Variants in SMARCD3 observed in about 807,000 individuals in gnomAD.
SMARCD3 encodes SWI/SNF related BAF chromatin remodeling complex subunit D3.
SMARCD3 carries 14 observed loss-of-function variants against 58.0 expected under a neutral mutation model. That is an observed-to-expected ratio of 0.24 (90% CI 0.16 to 0.38). SMARCD3 has a LOEUF of 0.38. Among genes scored for constraint, SMARCD3 ranks in the 10% least tolerant of loss-of-function variants. The pLI is 1.00. For missense variants in SMARCD3, 408 were observed against 636.9 expected (o/e 0.64, Z 3.87); for synonymous variants, 253 against 253.8 (o/e 1.00, Z 0.03).
Position 151,242,219 on chromosome 7 carries a change from T to C in SMARCD3, c.593A>G (p.Lys198Arg), listed in dbSNP as rs1803029970. 1 of 1,613,788 alleles carries C rather than the reference T, an allele frequency of 6.2e-7. No homozygotes were observed. Among genetic ancestry groups the C allele is most frequent in the Admixed American group, 1.7e-5 (1 of 59,994 alleles). The part of the protein sequence containing the change: ...GKLLDDPSKQ[K>R]RKFSSFFKSL... ...CTTGAAGAAAGAAGAGAACTTCCGC[T>C]TCTGTTTGCTGGGCTGTGGGAGAGC... The change falls in exon 6 of 13, where the codon AAG becomes AGG. Residue 198 changes from lysine to arginine, a missense_variant. Physicochemically the swap from Lys to Arg is conservative, Grantham distance 26. Around this residue, in one of 4 missense-constraint regions of SMARCD3, gnomAD observed 128 missense variants for 188.8 expected, o/e 0.68. Coordinates refer to ENST00000262188, the MANE Select transcript of SMARCD3 (RefSeq NM_001003801.2). The surrounding 1 kb of genome is among the most constrained non-coding windows in gnomAD (Gnocchi z 4.7).
chr7:151,239,672 G>A lies in SMARCD3; in HGVS notation c.1248C>T (p.Pro416=). ...RDFMLSFSRD[P]KGYVQDLLRS... is the part of the protein sequence containing the mutation. ...GGAGCAGGTCTTGGACATAGCCTTTGGGGTCTCTGGAGAAGCTTAGCATGA... is the reference window on the plus strand; with the variant it reads ...GGAGCAGGTCTTGGACATAGCCTTTAGGGTCTCTGGAGAAGCTTAGCATGA... The change falls in exon 11 of 13, where the codon CCC becomes CCT. Residue 416 remains proline (P), a synonymous_variant. Coordinates refer to ENST00000262188, the MANE Select transcript of SMARCD3 (RefSeq NM_001003801.2). The surrounding 1 kb of genome is among the most constrained non-coding windows in gnomAD (Gnocchi z 7.0). 1.2e-6 allele frequency: 2 copies of A among 1,614,072 alleles called. No homozygotes were observed. The highest frequency in any genetic ancestry group is 2.2e-5 in the East Asian group (1 of 44,870).
intron 2 of SMARCD3, chr7:151,275,042 C>G (rs912567277): frequency 2.9e-5 from 37 of 1,274,290 alleles, no homozygotes; most frequent in African/African-American, 4.3e-5. Flanking sequence ...GGAGCAGGAG[C>G]CGAGGGCTGG....
Position 151,248,148 on chromosome 7 carries a change from C to A in SMARCD3, c.78+337G>T, listed in dbSNP as rs1209116721. On this transcript the variant is annotated intron_variant, in intron 1 of 12. Coordinates refer to ENST00000262188, the MANE Select transcript of SMARCD3 (RefSeq NM_001003801.2). The surrounding 1 kb of genome is among the most constrained non-coding windows in gnomAD (Gnocchi z 6.1). ...CCCACCCCCACCCCCAGGGCAGGGG[C>A]AACACCTGGGCCCACAAGGAAAAGA... Among the ~76,000 whole-genome samples the A allele has an allele frequency of 2.0e-5, 3 of 151,194 alleles. No homozygotes were observed. Among genetic ancestry groups the A allele is most frequent in the African/African-American group, 7.3e-5 (3 of 41,120 alleles).
intron 2 of SMARCD3, among the ~76,000 whole-genome samples, chr7:151,257,114 C>T (rs1164913166): frequency 6.6e-6 from 1 of 152,220 alleles, no homozygotes; most frequent in Admixed American, 6.5e-5. Context: ...TGGTCTCAAA[C>T]TCCCGGGCTC....
At chr7:151,249,531 G>C (rs1362067350), upstream of SMARCD3, 4 of 152,194 alleles carry the variant, frequency 2.6e-5, no homozygotes, top group Admixed American at 2.6e-4. This position sits in a 1 kb window ranked among gnomAD's most constrained non-coding sequence, Gnocchi z 4.8. Context: ...CAGAAAGAGG[G>C]ACAGGGATTG....
At chr7:151,259,914 CTTG>C (rs1563683038) in intron 2 of SMARCD3, among the ~76,000 whole-genome samples, 1 of 152,102 alleles carries the variant, frequency 6.6e-6, no homozygotes, top group Non-Finnish European at 1.5e-5. Flanking sequence ...CTGGCCAAGA[CTTG>C]TTATCATAGG....
intron 2 of SMARCD3, among the ~76,000 whole-genome samples, chr7:151,265,431 G>A (rs1340813135): frequency 1.3e-5 from 2 of 152,190 alleles, no homozygotes; most frequent in East Asian, 1.9e-4. Flanking sequence ...TCCAGCCTCC[G>A]ACACTGGGAC....
chr7:151,273,743 G>T (rs533679816), intron 2 of SMARCD3, among the ~76,000 whole-genome samples: 7 of 152,336 alleles, frequency 4.6e-5, no homozygotes, highest in Admixed American at 1.3e-4. Flanking sequence ...CACCAGGTGT[G>T]TTTCCTTGGT....
upstream of SMARCD3, among the ~76,000 whole-genome samples, chr7:151,250,928 C>T (rs373697532): frequency 9.2e-5 from 14 of 152,362 alleles, no homozygotes; most frequent in East Asian, 2.5e-3. Flanking sequence ...CACCCCCACC[C>T]ACCATGGGTG....
chr7:151,255,504 C>T (rs1268479717), intron 2 of SMARCD3, among the ~76,000 whole-genome samples: 2 of 152,180 alleles, frequency 1.3e-5, no homozygotes, highest in African/African-American at 2.4e-5. Context: ...CGGAGCACCA[C>T]TCCTGTCCAG....
upstream of SMARCD3, among the ~76,000 whole-genome samples, chr7:151,249,748 G>C (rs1342952998): frequency 6.6e-6 from 1 of 151,580 alleles, no homozygotes; most frequent in Non-Finnish European, 1.5e-5. This position sits in a 1 kb window ranked among gnomAD's most constrained non-coding sequence, Gnocchi z 4.8. Flanking sequence ...CAAAGAGAGG[G>C]GTCTTGAGGC....
At chr7:151,259,407 GTGTA>G (rs1455275293) in intron 2 of SMARCD3, among the ~76,000 whole-genome samples, 3,967 of 145,110 alleles carry the variant, frequency 0.027, 204 homozygotes, top group African/African-American at 0.1. Context: ...GTGTGTGTGT[GTGTA>G]TGTGTGTGTG....
At position 151,241,342 on chromosome 7, in the gene SMARCD3, C is replaced by T. The variant is rs1044952735; in HGVS notation, c.939+150G>A. The T allele has an allele frequency of 1.2e-5, 9 of 735,722 alleles. No individual in the cohort carries two copies. The highest frequency in any genetic ancestry group is 1.9e-5 in the Non-Finnish European group (8 of 416,210). The allele number at this position is 735,722 out of a possible 1,614,324, so 45.6% of individuals were successfully genotyped here. A position where few individuals can be genotyped will look rare whatever the true frequency, so the allele number is the denominator to read the frequency against. Reference sequence around the variant, plus strand: ...GTAGGGCCTGAACTAGAATCCTGGTCGGTCTCTTGGCTCCAAGACCATGAC... The same window carrying T: ...GTAGGGCCTGAACTAGAATCCTGGTTGGTCTCTTGGCTCCAAGACCATGAC... On this transcript the variant is annotated intron_variant, in intron 8 of 12. Transcript: ENST00000262188. This position sits in a 1 kb window ranked among gnomAD's most constrained non-coding sequence, Gnocchi z 5.3.
chr7:151,257,023 C>A (rs922758549), intron 2 of SMARCD3, among the ~76,000 whole-genome samples: 8 of 152,178 alleles, frequency 5.3e-5, no homozygotes, highest in Non-Finnish European at 8.8e-5. Context: ...ACTGTTACAT[C>A]CCCATTGGAA....
At chr7:151,250,635 A>G (rs1200866338), upstream of SMARCD3, among the ~76,000 whole-genome samples, 1 of 151,806 alleles carries the variant, frequency 6.6e-6, no homozygotes, top group Non-Finnish European at 1.5e-5. Flanking sequence ...CTTGTATGCA[A>G]AGATTTTTCT....
At chr7:151,256,363 G>T (rs956573909) in intron 2 of SMARCD3, among the ~76,000 whole-genome samples, 5 of 151,186 alleles carry the variant, frequency 3.3e-5, no homozygotes, top group African/African-American at 4.9e-5. Flanking sequence ...TAGAGACAGG[G>T]TTTCACCATG....
chr7:151,241,999 G>A lies in SMARCD3; in HGVS notation c.676-21C>T, dbSNP rs1274506115. On this transcript the variant is annotated intron_variant, in intron 6 of 12. Transcript: ENST00000262188. The surrounding 1 kb of genome is among the most constrained non-coding windows in gnomAD (Gnocchi z 5.3). ...TGCCACTGTCCAGGAGAGAAGAGCT[G>A]TGTCTCCCAAAGGCCCATCTGGAGT... 1 of 1,599,526 alleles carries A rather than the reference G, an allele frequency of 6.3e-7. No individual in the cohort carries two copies. Among genetic ancestry groups the A allele is most frequent in the Non-Finnish European group, 8.6e-7 (1 of 1,168,918 alleles).
chr7:151,240,354 G>C, intron 9 of SMARCD3, 71 bp downstream of exon 9: 1 of 1,591,796 alleles, frequency 6.3e-7, no homozygotes, highest in Middle Eastern at 1.7e-4. Flanking sequence ...GGAGTGGGAG[G>C]AGAGGGAGGG....
At chr7:151,274,927 T>A (rs983761480) in intron 2 of SMARCD3, among the ~76,000 whole-genome samples, 1 of 152,002 alleles carries the variant, frequency 6.6e-6, no homozygotes, top group Non-Finnish European at 1.5e-5. Context: ...GGAAGGACAT[T>A]AATGACAGGT....
Sources: gnomAD v4.1 joint callset for allele counts (sites outside exome capture counted in the v4.1 genomes callset) on GRCh38, gnomAD v4.1.1 for gene constraint, gnomAD v4.1.1 regional missense constraint, Gnocchi (gnomAD v3.1) non-coding constraint, MANE v1.5 for transcripts, NCBI Gene and HGNC (gene_info 2026-07-23, HGNC 2026-07-21) for gene names.